FANCL: variants seen among roughly 807,000 people sequenced by gnomAD.
FANCL encodes FA complementation group L, also known as E3 ubiquitin-protein ligase FANCL.
Under a neutral mutation model 59.4 loss-of-function variants are expected in FANCL, and 69 were observed. The observed-to-expected ratio is 1.16, with a 90% CI of 0.96 to 1.42. The LOEUF (loss-of-function observed/expected upper bound fraction) is 1.42. FANCL is among the 40% of genes most tolerant of loss of function. The probability of loss-of-function intolerance (pLI) is 0.00; values close to 1 mark genes in which losing one functional copy is unlikely to be tolerated. For synonymous variants in FANCL, 180 were observed against 147.1 expected, an observed-to-expected ratio of 1.22 and a Z score of -1.62; for missense variants, 519 against 447.2, an observed-to-expected ratio of 1.16 and a Z score of -1.45.
chr2:58,161,696 C>G, intron 11 of FANCL, 58 bp from the exon 12 acceptor site: 1 of 1,141,508 alleles, frequency 8.8e-7, no homozygotes, highest in African/African-American at 1.5e-5. Flanking sequence ...ATTCGTTGTA[C>G]ATATTTGGGA....
chr2:58,173,978 G>T (rs1330998527), intron 7 of FANCL, among the ~76,000 whole-genome samples: 3 of 151,926 alleles, frequency 2.0e-5, no homozygotes, highest in Non-Finnish European at 4.4e-5. Flanking sequence ...AAAGGCAGGG[G>T]TTGCAATCCT....
At chr2:58,180,877 A>T (rs1687873860) in intron 7 of FANCL, among the ~76,000 whole-genome samples, 1 of 152,044 alleles carries the variant, frequency 6.6e-6, no homozygotes, top group Non-Finnish European at 1.5e-5. Flanking sequence ...TTCAGAAAAA[A>T]AAGTGAGAGT....
Position 58,226,791 on chromosome 2 carries a change from C to G in FANCL, c.217-7G>C. Reference sequence around the variant, plus strand: ...CAGGAGAGTGCTGCATTCTCTAGATCAAAATATTTCCAATTAATTTCATTT... The same window carrying G: ...CAGGAGAGTGCTGCATTCTCTAGATGAAAATATTTCCAATTAATTTCATTT... On this transcript the variant is annotated splice_polypyrimidine_tract_variant and splice_region_variant and intron_variant, in intron 3 of 13. Transcript: ENST00000233741. The G allele has an allele frequency of 3.1e-6, 5 of 1,608,512 alleles. No individual in the cohort carries two copies. Among genetic ancestry groups the G allele is most frequent in the Non-Finnish European group, 4.3e-6 (5 of 1,175,422 alleles).
At chr2:58,168,019 T>A (rs1172208082) in intron 7 of FANCL, among the ~76,000 whole-genome samples, 1 of 152,200 alleles carries the variant, frequency 6.6e-6, no homozygotes. Context: ...TGGAATTAAA[T>A]ACTTTATATA....
intron 5 of FANCL, among the ~76,000 whole-genome samples, chr2:58,217,164 TTTTATATATATA>T (rs1691836226): frequency 5.5e-5 from 3 of 54,206 alleles, no homozygotes; most frequent in African/African-American, 2.2e-4. Flanking sequence ...TATTTATATA[TTTTATATATATA>T]TATATATATA....
intron 7 of FANCL, among the ~76,000 whole-genome samples, chr2:58,182,592 G>A (rs1029110882): frequency 1.1e-4 from 17 of 151,490 alleles, no homozygotes; most frequent in Non-Finnish European, 1.6e-4. Context: ...ACTAACCCAC[G>A]GAAGAAACAG....
intron 1 of FANCL, 141 bp downstream of exon 1, chr2:58,241,077 A>T (rs1422687906): frequency 7.3e-6 from 6 of 817,682 alleles, no homozygotes; most frequent in Non-Finnish European, 1.0e-5. Context: ...TCAAACCTTT[A>T]GTCTCCCAAG....
At chr2:58,177,580 A>C (rs998523121) in intron 7 of FANCL, among the ~76,000 whole-genome samples, 5 of 135,428 alleles carry the variant, frequency 3.7e-5, no homozygotes, top group African/African-American at 1.4e-4. Context: ...GAATTGAACA[A>C]TGAGAACACA....
Position 58,159,835 on chromosome 2 carries a change from G to A in FANCL, c.1093-35C>T, listed in dbSNP as rs750192800. 7 of 1,609,314 alleles carry A rather than the reference G, an allele frequency of 4.3e-6. No homozygotes were observed. The South Asian group carries it at 6.6e-5, about 15-fold the overall frequency. On this transcript the variant is annotated intron_variant, in intron 13 of 13. Transcript: ENST00000233741. ...GAGAACATATTTTAACAAAGTTTGT[G>A]GACACTCTAAAAAATAAAATTGCTT...
At chr2:58,240,130 T>G (rs76887336) in intron 1 of FANCL, among the ~76,000 whole-genome samples, 4 of 144,858 alleles carry the variant, frequency 2.8e-5, no homozygotes, top group African/African-American at 7.7e-5. Context: ...AAAAAAAAAG[T>G]AACTTAAAAT....
chr2:58,202,493 G>C (rs1690141390), intron 6 of FANCL, among the ~76,000 whole-genome samples: 1 of 151,210 alleles, frequency 6.6e-6, no homozygotes, highest in African/African-American at 2.4e-5. Context: ...ATAAGATTCA[G>C]TTACATGCTT....
chr2:58,173,674 G>A (rs1348697596), intron 7 of FANCL, among the ~76,000 whole-genome samples: 1 of 152,156 alleles, frequency 6.6e-6, no homozygotes, highest in East Asian at 1.9e-4. Flanking sequence ...ACCAGCCGCT[G>A]CAAAATCATG....
At chr2:58,196,327 T>C (rs1184641941) in intron 7 of FANCL, among the ~76,000 whole-genome samples, 1 of 152,058 alleles carries the variant, frequency 6.6e-6, no homozygotes, top group Non-Finnish European at 1.5e-5. Flanking sequence ...GAAATATAGA[T>C]GTATCTGAAC....
chr2:58,221,203 A>G (rs895238112), intron 5 of FANCL, among the ~76,000 whole-genome samples: 10 of 152,042 alleles, frequency 6.6e-5, no homozygotes, highest in Non-Finnish European at 1.0e-4. Flanking sequence ...AAAAAAAGTG[A>G]TAAGAACTAA....
intron 7 of FANCL, among the ~76,000 whole-genome samples, chr2:58,189,078 T>C (rs565084625): frequency 6.6e-6 from 1 of 152,248 alleles, no homozygotes; most frequent in East Asian, 1.9e-4. Flanking sequence ...ACATCAGTAG[T>C]TGCCTGAGGC....
intron 7 of FANCL, among the ~76,000 whole-genome samples, chr2:58,167,862 G>A (rs1258887931): frequency 6.6e-6 from 1 of 152,096 alleles, no homozygotes; most frequent in Non-Finnish European, 1.5e-5. Flanking sequence ...AACTTAGGGG[G>A]TAGACATCAA....
chr2:58,172,053 G>A (rs1010744569), intron 7 of FANCL, among the ~76,000 whole-genome samples: 17 of 152,302 alleles, frequency 1.1e-4, no homozygotes, highest in East Asian at 5.8e-4. Flanking sequence ...GGGGAGGGGC[G>A]CCCGCCATTG....
chr2:58,170,799 G>A lies in FANCL; in HGVS notation c.541-4925C>T, dbSNP rs147648944. ...AGAAGGGCATTACATAATGGTAAAC[G>A]GATCAATGCAACAAGGAGAGCTAAC... On this transcript the variant is annotated intron_variant, in intron 7 of 13. Coordinates refer to ENST00000233741, the MANE Select transcript of FANCL (RefSeq NM_018062.4). 4.2e-3 allele frequency among the ~76,000 whole-genome samples: 636 copies of A among 151,900 alleles called. 7 individuals are homozygous for A. The highest frequency in any genetic ancestry group is 0.014 in the African/African-American group (594 of 41,412).
chr2:58,162,269 A>G (rs1304428687), intron 11 of FANCL, among the ~76,000 whole-genome samples: 1 of 151,962 alleles, frequency 6.6e-6, no homozygotes, highest in Non-Finnish European at 1.5e-5. Context: ...CAATTTTGAG[A>G]AACTATAACT....
Sources: allele counts gnomAD v4.1 joint callset (sites outside exome capture counted in the v4.1 genomes callset), GRCh38; gene constraint gnomAD v4.1.1; transcripts MANE v1.5; gene names NCBI Gene and HGNC (gene_info 2026-07-23, HGNC 2026-07-21).